TMEM178B: variants seen among roughly 807,000 people sequenced by gnomAD.
The protein encoded by TMEM178B is transmembrane protein 178B.
Under a neutral mutation model 31.0 loss-of-function variants are expected in TMEM178B, and 5 were observed. That is an observed-to-expected ratio of 0.16 (90% CI 0.08 to 0.34). The LOEUF is 0.34. Ranked by LOEUF, TMEM178B falls within the 10% of genes least tolerant of loss-of-function variation. The pLI is 1.00. For missense variants in TMEM178B, 275 were observed against 400.3 expected, an observed-to-expected ratio of 0.69 and a Z score of 2.67; for synonymous variants, 164 against 164.0, an observed-to-expected ratio of 1.00 and a Z score of 0.00.
At chr7:141,202,221 CA>C (rs1436082651) in intron 1 of TMEM178B, among the ~76,000 whole-genome samples, 1 of 152,042 alleles carries the variant, frequency 6.6e-6, no homozygotes, top group Non-Finnish European at 1.5e-5. Context: ...CCATCAGGAC[CA>C]CAAAGGTGAA....
chr7:141,410,890 G>T (rs1231997461), intron 2 of TMEM178B, among the ~76,000 whole-genome samples: 2 of 152,190 alleles, frequency 1.3e-5, no homozygotes, highest in African/African-American at 4.8e-5. Flanking sequence ...TAAAAGGCCT[G>T]AAATTCCGAT....
chr7:141,123,984 G>T lies in TMEM178B; in HGVS notation c.382+49292G>T, dbSNP rs550735566. Among the ~76,000 whole-genome samples, 9 of 152,192 alleles carry T rather than the reference G, an allele frequency of 5.9e-5. No homozygotes were observed. In the East Asian group the frequency reaches 1.8e-3, roughly 30 times the overall value. On this transcript the variant is annotated intron_variant, in intron 1 of 3. Coordinates refer to ENST00000565468, the MANE Select transcript of TMEM178B (RefSeq NM_001195278.2). ...TGCCCAGGCTGGTCTCAAACTTCTG[G>T]GCTTAAGAAATCTGCCCTCATCGGC...
At chr7:141,232,582 G>T (rs1458165625) in intron 2 of TMEM178B, among the ~76,000 whole-genome samples, 3 of 152,170 alleles carry the variant, frequency 2.0e-5, no homozygotes, top group Non-Finnish European at 4.4e-5. Flanking sequence ...ACTAAATCCA[G>T]CAGCACACAA....
At chr7:141,429,183 T>C (rs966749083) in intron 2 of TMEM178B, among the ~76,000 whole-genome samples, 1 of 152,020 alleles carries the variant, frequency 6.6e-6, no homozygotes, top group Non-Finnish European at 1.5e-5. Flanking sequence ...CCCAAAGAAA[T>C]TGAAATCAGT....
At chr7:141,141,949 A>T (rs1795775943) in intron 1 of TMEM178B, among the ~76,000 whole-genome samples, 1 of 152,192 alleles carries the variant, frequency 6.6e-6, no homozygotes, top group South Asian at 2.1e-4. Context: ...TCTATTTTAG[A>T]TTCAGGGGGT....
At chr7:141,391,322 C>T (rs926225008) in intron 2 of TMEM178B, among the ~76,000 whole-genome samples, 3 of 152,044 alleles carry the variant, frequency 2.0e-5, no homozygotes, top group Admixed American at 6.6e-5. Context: ...GGCACCACCA[C>T]GCCCGGCTGA....
chr7:141,438,425 C>G (rs1801590788), intron 3 of TMEM178B, among the ~76,000 whole-genome samples: 2 of 152,044 alleles, frequency 1.3e-5, no homozygotes, highest in South Asian at 4.2e-4. Flanking sequence ...CCTGTAAGAG[C>G]TAAACTGTGC....
chr7:141,301,515 C>T (rs1798726224), intron 2 of TMEM178B, among the ~76,000 whole-genome samples: 3 of 151,902 alleles, frequency 2.0e-5, no homozygotes, highest in African/African-American at 7.3e-5. Flanking sequence ...GCAACATGTT[C>T]TCTTTTTGTT....
chr7:141,234,109 T>TGCTAGTC (rs1797490101), intron 2 of TMEM178B, among the ~76,000 whole-genome samples: 1 of 152,240 alleles, frequency 6.6e-6, no homozygotes, highest in Admixed American at 6.5e-5. Context: ...GCCTGCCTCT[T>TGCTAGTC]GCTAGTCTAC....
chr7:141,139,642 C>T (rs557788072), intron 1 of TMEM178B, among the ~76,000 whole-genome samples: 4 of 152,170 alleles, frequency 2.6e-5, no homozygotes, highest in Middle Eastern at 3.4e-3. Context: ...ACACTTGAGC[C>T]CCCATTTGCT....
intron 2 of TMEM178B, among the ~76,000 whole-genome samples, chr7:141,303,489 C>T (rs979775210): frequency 5.3e-5 from 8 of 152,204 alleles, no homozygotes; most frequent in Non-Finnish European, 1.0e-4. Flanking sequence ...GGACAGGGCT[C>T]ACCCTACAGA....
intron 1 of TMEM178B, among the ~76,000 whole-genome samples, chr7:141,185,467 C>T (rs557087580): frequency 5.9e-5 from 9 of 152,332 alleles, no homozygotes; most frequent in South Asian, 2.1e-4. Flanking sequence ...AACTCCATGT[C>T]GTTCAGCAGG....
chr7:141,406,471 A>T (rs529000283), intron 2 of TMEM178B, among the ~76,000 whole-genome samples: 1 of 152,260 alleles, frequency 6.6e-6, no homozygotes, highest in Non-Finnish European at 1.5e-5. Flanking sequence ...CTAACAGGAC[A>T]AACAACTACT....
In TMEM178B at chr7:141,480,283, T is replaced by C. The variant is rs1038989980; in HGVS notation, c.*9497T>C. On this transcript the variant is annotated 3_prime_UTR_variant, in exon 4 of 4. Transcript: ENST00000565468. ...GAAAAACAAGTGTCTGGTAATTAAT[T>C]AAATGACTTGTTCATGGAAAAAATA... 1.1e-4 allele frequency: 17 copies of C among 152,250 alleles called. No homozygotes were observed. The highest frequency in any genetic ancestry group is 1.9e-4 in the African/African-American group (8 of 41,476). 9.4% of individuals were successfully genotyped at this position (152,250 alleles called of 1,614,324 possible). A position where few individuals can be genotyped will look rare whatever the true frequency, so the allele number is the denominator to read the frequency against.
At chr7:141,280,979 G>C (rs1389540869) in intron 2 of TMEM178B, among the ~76,000 whole-genome samples, 3 of 152,160 alleles carry the variant, frequency 2.0e-5, no homozygotes, top group African/African-American at 7.2e-5. Flanking sequence ...GGGAATCTAG[G>C]GATGAATGCT....
At chr7:141,441,750 A>G (rs1050104680) in intron 3 of TMEM178B, among the ~76,000 whole-genome samples, 1 of 151,914 alleles carries the variant, frequency 6.6e-6, no homozygotes, top group African/African-American at 2.4e-5. Flanking sequence ...TCTATCCCCA[A>G]CCTCTCCTCT....
chr7:141,369,359 A>G (rs13312009), intron 2 of TMEM178B, among the ~76,000 whole-genome samples: 4,929 of 90,444 alleles, frequency 0.054, 58 homozygotes, highest in East Asian at 0.11. Flanking sequence ...GTGTGTGTGT[A>G]TGTGTGTGTG....
chr7:141,307,549 A>C (rs1180560841), intron 2 of TMEM178B, among the ~76,000 whole-genome samples: 1 of 152,228 alleles, frequency 6.6e-6, no homozygotes, highest in Admixed American at 6.5e-5. Flanking sequence ...GAGCACATAT[A>C]TACCAGAATC....
intron 1 of TMEM178B, among the ~76,000 whole-genome samples, chr7:141,076,982 A>G (rs1794609818): frequency 6.6e-6 from 1 of 152,196 alleles, no homozygotes; most frequent in Non-Finnish European, 1.5e-5. Context: ...TTTTAACCTC[A>G]ACACACACTC....
Sources: gnomAD v4.1 joint callset for allele counts (sites outside exome capture counted in the v4.1 genomes callset) on GRCh38, gnomAD v4.1.1 for gene constraint, MANE v1.5 for transcripts, NCBI Gene and HGNC (gene_info 2026-07-23, HGNC 2026-07-21) for gene names.